Variants in DLGAP2 observed in about 807,000 individuals in gnomAD.
The protein encoded by DLGAP2 is DLG associated protein 2, also known as disks large-associated protein 2.
A neutral mutation model predicts 100.3 loss-of-function variants in DLGAP2; 26 were observed. The observed-to-expected ratio is 0.26, with a 90% CI of 0.19 to 0.36. The LOEUF (loss-of-function observed/expected upper bound fraction) is 0.36, where lower values mean the gene tolerates loss of function less well. Ranked by LOEUF, DLGAP2 falls within the 10% of genes least tolerant of loss-of-function variation. The probability of loss-of-function intolerance (pLI) is 1.00; values close to 1 mark genes in which losing one functional copy is unlikely to be tolerated. For synonymous variants in DLGAP2, 886 were observed against 630.1 expected (o/e 1.41, Z -6.08); for missense variants, 1,858 against 1,453.2 (o/e 1.28, Z -4.53).
intron 2 of DLGAP2, among the ~76,000 whole-genome samples, chr8:988,194 T>A (rs1289947339): frequency 1.3e-5 from 2 of 152,228 alleles, no homozygotes; most frequent in Non-Finnish European, 2.9e-5. Flanking sequence ...AGAGTATGTA[T>A]TTAGTACCCT....
intron 1 of DLGAP2, among the ~76,000 whole-genome samples, chr8:798,366 G>A (rs564436366): frequency 2.1e-4 from 31 of 148,142 alleles, no homozygotes; most frequent in South Asian, 4.3e-4. Flanking sequence ...CTGCAGCCCC[G>A]TGCCCCGGTG....
chr8:1,013,619 C>T (rs1367539302), intron 2 of DLGAP2, among the ~76,000 whole-genome samples: 1 of 144,802 alleles, frequency 6.9e-6, no homozygotes, highest in Non-Finnish European at 1.5e-5. Context: ...TGTGTGTGAC[C>T]AGGACAGACG....
intron 1 of DLGAP2, among the ~76,000 whole-genome samples, chr8:861,494 C>T (rs972907353): frequency 2.6e-5 from 4 of 152,150 alleles, no homozygotes; most frequent in African/African-American, 7.2e-5. Context: ...TTCATGGATC[C>T]GTAGCTCCTG....
rs185887325 is a variant in DLGAP2, at chr8:1,040,436, G to A, written c.73+132470G>A. 4.4e-3 allele frequency among the ~76,000 whole-genome samples: 658 copies of A among 148,216 alleles called. 5 individuals are homozygous for A. Among genetic ancestry groups the A allele is most frequent in the African/African-American group, 0.014 (569 of 39,890 alleles). ...GGTGTGCGTGGTCGGCTCAATGTGCGTGGTCGGCTCAGTTTCCGTGGTCGT... is the reference window on the plus strand; with the variant it reads ...GGTGTGCGTGGTCGGCTCAATGTGCATGGTCGGCTCAGTTTCCGTGGTCGT... On this transcript the variant is annotated intron_variant, in intron 2 of 14. Coordinates refer to ENST00000637795, the MANE Select transcript of DLGAP2 (RefSeq NM_001346810.2).
At chr8:1,420,262 C>G (rs1797052653) in intron 3 of DLGAP2, among the ~76,000 whole-genome samples, 1 of 152,168 alleles carries the variant, frequency 6.6e-6, no homozygotes. Flanking sequence ...CTGGGAATGA[C>G]TAAGGACTGT....
chr8:1,111,931 A>C (rs1444777122), intron 2 of DLGAP2, among the ~76,000 whole-genome samples: 1 of 152,130 alleles, frequency 6.6e-6, no homozygotes, highest in African/African-American at 2.4e-5. Context: ...CGCTAATAGA[A>C]TTGCTGGGTT....
chr8:1,194,095 G>T (rs1184389813), intron 2 of DLGAP2, among the ~76,000 whole-genome samples: 1 of 152,034 alleles, frequency 6.6e-6, no homozygotes, highest in Non-Finnish European at 1.5e-5. Flanking sequence ...AGTATACCAA[G>T]TCCAGTTTTG....
chr8:1,174,723 CATT>C (rs1427627676), intron 2 of DLGAP2, among the ~76,000 whole-genome samples: 2 of 152,098 alleles, frequency 1.3e-5, no homozygotes, highest in African/African-American at 2.4e-5. Flanking sequence ...TCACCACCAT[CATT>C]ACCATGACCA....
At chr8:1,054,148 C>G (rs1173198054) in intron 2 of DLGAP2, among the ~76,000 whole-genome samples, 2 of 152,118 alleles carry the variant, frequency 1.3e-5, no homozygotes, top group African/African-American at 2.4e-5. Context: ...GATTTTTCCT[C>G]TCCTGGTTTG....
intron 2 of DLGAP2, among the ~76,000 whole-genome samples, chr8:1,214,000 T>C (rs1304797310): frequency 6.7e-6 from 1 of 149,128 alleles, no homozygotes; most frequent in African/African-American, 2.6e-5. Context: ...CTAGCATCCA[T>C]TCAGAGACCC....
chr8:1,436,070 C>T (rs1026710425), intron 3 of DLGAP2, among the ~76,000 whole-genome samples: 12 of 152,016 alleles, frequency 7.9e-5, no homozygotes, highest in Admixed American at 2.0e-4. Flanking sequence ...TCTAGAGGGA[C>T]AGGACTAATA....
At chr8:1,528,514 G>C (rs1303263501) in intron 4 of DLGAP2, among the ~76,000 whole-genome samples, 1 of 152,234 alleles carries the variant, frequency 6.6e-6, no homozygotes, top group African/African-American at 2.4e-5. Context: ...CTAGGAACTT[G>C]ACAGAAATGT....
chr8:1,087,947 C>T (rs577618831), intron 2 of DLGAP2, among the ~76,000 whole-genome samples: 1 of 152,348 alleles, frequency 6.6e-6, no homozygotes, highest in South Asian at 2.1e-4. Flanking sequence ...GGCACAATGT[C>T]AGTGCCAGTT....
intron 6 of DLGAP2, among the ~76,000 whole-genome samples, chr8:1,624,737 G>T (rs538791767): frequency 5.3e-4 from 81 of 151,978 alleles, no homozygotes; most frequent in Non-Finnish European, 8.7e-4. Flanking sequence ...AGAGCTGCCC[G>T]TCCCACTGCC....
chr8:1,511,240 T>C (rs1308125089), intron 4 of DLGAP2, among the ~76,000 whole-genome samples: 2 of 151,324 alleles, frequency 1.3e-5, no homozygotes, highest in East Asian at 3.9e-4. Context: ...GATGACCATC[T>C]TCCATGGACG....
At chr8:1,478,477 G>A (rs542832942) in intron 3 of DLGAP2, among the ~76,000 whole-genome samples, 2 of 152,302 alleles carry the variant, frequency 1.3e-5, no homozygotes, top group Admixed American at 6.5e-5. Flanking sequence ...AACAGCATCC[G>A]TGATTCTGGC....
chr8:1,036,636 C>G (rs933244542), intron 2 of DLGAP2, among the ~76,000 whole-genome samples: 1 of 152,114 alleles, frequency 6.6e-6, no homozygotes, highest in Non-Finnish European at 1.5e-5. Flanking sequence ...GAGACCAGTG[C>G]TTGGTCAAGG....
At chr8:1,514,242 C>T (rs1004484318) in intron 4 of DLGAP2, among the ~76,000 whole-genome samples, 9 of 152,180 alleles carry the variant, frequency 5.9e-5, no homozygotes, top group Admixed American at 2.0e-4. Context: ...CCTCTTTCTG[C>T]CTGAATTTAA....
At chr8:793,991 T>G (rs1319774660) in intron 1 of DLGAP2, among the ~76,000 whole-genome samples, 4 of 152,170 alleles carry the variant, frequency 2.6e-5, no homozygotes, top group African/African-American at 9.7e-5. Context: ...GAAATCCTTT[T>G]GGCCTGTGGG....
Sources: allele counts gnomAD v4.1 joint callset (sites outside exome capture counted in the v4.1 genomes callset), GRCh38; gene constraint gnomAD v4.1.1; transcripts MANE v1.5; gene names NCBI Gene and HGNC (gene_info 2026-07-23, HGNC 2026-07-21).